RFTN1: variants seen among roughly 807,000 people sequenced by gnomAD.
RFTN1 encodes the protein raftlin, lipid raft linker 1.
RFTN1 carries 26 observed loss-of-function variants against 46.5 expected under a neutral mutation model. The ratio of observed to expected loss-of-function variants is 0.56; its 90% CI spans 0.41 to 0.78. The LOEUF (loss-of-function observed/expected upper bound fraction) is 0.78, where lower values mean the gene tolerates loss of function less well. Among genes scored for constraint, RFTN1 ranks in the 30% least tolerant of loss-of-function variants. The probability of loss-of-function intolerance (pLI) is 0.00; values close to 1 mark genes in which losing one functional copy is unlikely to be tolerated. For synonymous variants in RFTN1, 261 were observed against 284.2 expected, an observed-to-expected ratio of 0.92 and a Z score of 0.82; for missense variants, 693 against 718.7, an observed-to-expected ratio of 0.96 and a Z score of 0.41.
intron 3 of RFTN1, among the ~76,000 whole-genome samples, chr3:16,432,831 G>A (rs1177451765): frequency 6.6e-6 from 1 of 152,190 alleles, no homozygotes; most frequent in African/African-American, 2.4e-5. Flanking sequence ...TTGACGTAAT[G>A]TGTGTTGATG....
chr3:16,326,373 A>G (rs2069690582), intron 8 of RFTN1, among the ~76,000 whole-genome samples: 1 of 152,232 alleles, frequency 6.6e-6, no homozygotes, highest in African/African-American at 2.4e-5. Context: ...TAATAATAAT[A>G]CAATTCTACC....
In RFTN1 at chr3:16,505,924, T is replaced by G. The variant is rs534682916; in HGVS notation, c.-9+7518A>C. ...AGCACTTACTATGTGCAAGGCCCTG[T>G]TCTAAATGCCAGTGATACCAAAGTA... On this transcript the variant is annotated intron_variant, in intron 1 of 9. Transcript: ENST00000334133. 2.0e-5 allele frequency among the ~76,000 whole-genome samples: 3 copies of G among 152,312 alleles called. No homozygotes were observed. The South Asian group carries it at 6.2e-4, about 32-fold the overall frequency.
At chr3:16,391,861 T>C (rs2074348964) in intron 4 of RFTN1, among the ~76,000 whole-genome samples, 1 of 28,464 alleles carries the variant, frequency 3.5e-5, no homozygotes, top group East Asian at 1.2e-3. Context: ...TGCAAAGGTT[T>C]TTTTTTTGTT....
rs775652719 is a variant in RFTN1, at chr3:16,352,371, T to C, written c.1146+5561A>G. ...TTCAGAGGGAAGAAGAGGGTCTCTG[T>C]ATCTTGCTCTTTACCTATTCATCTA... On this transcript the variant is annotated intron_variant, in intron 7 of 9. Transcript: ENST00000334133. The surrounding 1 kb of genome is among the most constrained non-coding windows in gnomAD (Gnocchi z 4.6). 1.3e-5 allele frequency among the ~76,000 whole-genome samples: 2 copies of C among 152,258 alleles called. No homozygotes were observed. The highest frequency in any genetic ancestry group is 6.5e-5 in the Admixed American group (1 of 15,288).
At chr3:16,373,059 C>T (rs1278174421) in intron 5 of RFTN1, among the ~76,000 whole-genome samples, 1 of 152,240 alleles carries the variant, frequency 6.6e-6, no homozygotes, top group East Asian at 1.9e-4. Context: ...CTCCAACACA[C>T]ATCCTCACGT....
intron 6 of RFTN1, among the ~76,000 whole-genome samples, chr3:16,368,191 A>G (rs753419607): frequency 2.4e-4 from 37 of 152,110 alleles, no homozygotes; most frequent in Non-Finnish European, 4.6e-4. Flanking sequence ...GGCTGTAAAC[A>G]TCTGTCCCAA....
At chr3:16,333,480 A>T in intron 7 of RFTN1, among the ~76,000 whole-genome samples, 1 of 151,692 alleles carries the variant, frequency 6.6e-6, no homozygotes. Flanking sequence ...TATCTATCTA[A>T]TTATGTCATT....
At chr3:16,471,171 A>G (rs528422220) in intron 2 of RFTN1, among the ~76,000 whole-genome samples, 2 of 152,352 alleles carry the variant, frequency 1.3e-5, no homozygotes, top group East Asian at 3.9e-4. Flanking sequence ...CTATTGTTAA[A>G]TAAATCACAA....
In RFTN1 at chr3:16,346,433, A is replaced by G. The variant is rs1270760672; in HGVS notation, c.1146+11499T>C. 1 of 152,248 alleles carries G rather than the reference A, an allele frequency of 6.6e-6. No individual in the cohort carries two copies. Among genetic ancestry groups the G allele is most frequent in the African/African-American group, 2.4e-5 (1 of 41,460 alleles). 9.4% of individuals were successfully genotyped at this position (152,248 alleles called of 1,614,324 possible). On this transcript the variant is annotated intron_variant, in intron 7 of 9. Transcript: ENST00000334133. The surrounding 1 kb of genome is among the most constrained non-coding windows in gnomAD (Gnocchi z 4.4). ...AAGTGCAGATAAAGATTAAAGGTCA[A>G]ATACTTCCTTTTGTCATCTCATTAT...
At chr3:16,389,227 T>C (rs1295304864) in intron 4 of RFTN1, among the ~76,000 whole-genome samples, 1 of 152,228 alleles carries the variant, frequency 6.6e-6, no homozygotes, top group Non-Finnish European at 1.5e-5. Flanking sequence ...AAATACTTTG[T>C]GATTCCCACG....
intron 3 of RFTN1, among the ~76,000 whole-genome samples, chr3:16,420,434 AC>A (rs1292268662): frequency 6.6e-6 from 1 of 152,266 alleles, no homozygotes; most frequent in Non-Finnish European, 1.5e-5. Context: ...ATATCTGCAA[AC>A]AAAAATAGCA....
rs1407237030 is a variant in RFTN1 at position 16,334,125 on chromosome 3, A to G, written c.1147-7249T>C. Among the ~76,000 whole-genome samples the G allele has an allele frequency of 1.3e-5, 2 of 152,244 alleles. No individual in the cohort carries two copies. The highest frequency in any genetic ancestry group is 2.9e-5 in the Non-Finnish European group (2 of 68,040). ...AGCTGCAGTGAGCCGAGATCGTGCC[A>G]CTGCACTCCAGCCTGGGCGACAGAG... is the stretch of plus-strand genomic sequence containing the variant. On this transcript the variant is annotated intron_variant, in intron 7 of 9. Coordinates refer to ENST00000334133, the MANE Select transcript of RFTN1 (RefSeq NM_015150.2). The surrounding 1 kb of genome is among the most constrained non-coding windows in gnomAD (Gnocchi z 4.3).
chr3:16,510,679 T>G (rs2076882890), intron 1 of RFTN1, among the ~76,000 whole-genome samples: 1 of 152,230 alleles, frequency 6.6e-6, no homozygotes, highest in African/African-American at 2.4e-5. Flanking sequence ...CTGGTGAGAC[T>G]GTAAAATGGT....
chr3:16,501,280 T>C (rs1226094330), intron 1 of RFTN1, among the ~76,000 whole-genome samples: 1 of 152,232 alleles, frequency 6.6e-6, no homozygotes, highest in African/African-American at 2.4e-5. Context: ...AAAAGTATCC[T>C]AATTTGTTTC....
intron 6 of RFTN1, among the ~76,000 whole-genome samples, chr3:16,364,463 G>A (rs956822044): frequency 6.6e-6 from 1 of 152,144 alleles, no homozygotes; most frequent in Non-Finnish European, 1.5e-5. Context: ...AGCAGATCCT[G>A]TTTGAGGCAC....
chr3:16,365,966 A>G (rs116358832), intron 6 of RFTN1, among the ~76,000 whole-genome samples: 77 of 113,808 alleles, frequency 6.8e-4, no homozygotes, highest in South Asian at 3.0e-3. Flanking sequence ...TGGTTTGGAT[A>G]ATCAGCTGCA....
At chr3:16,495,141 C>T (rs576249725) in intron 1 of RFTN1, among the ~76,000 whole-genome samples, 13 of 152,278 alleles carry the variant, frequency 8.5e-5, no homozygotes, top group African/African-American at 3.1e-4. Flanking sequence ...AATAAAGGAA[C>T]ATGAGTATCC....
At chr3:16,430,649 G>A (rs2075366966) in intron 3 of RFTN1, among the ~76,000 whole-genome samples, 2 of 151,966 alleles carry the variant, frequency 1.3e-5, no homozygotes, top group African/African-American at 2.4e-5. Flanking sequence ...TCAAACTTTT[G>A]CATTTTTTTA....
chr3:16,438,416 C>G (rs1323474689), intron 2 of RFTN1, among the ~76,000 whole-genome samples: 1 of 151,674 alleles, frequency 6.6e-6, no homozygotes, highest in African/African-American at 2.4e-5. Flanking sequence ...GAAACCCTGT[C>G]TCTACCCAAA....
Sources: gnomAD v4.1 joint callset for allele counts (sites outside exome capture counted in the v4.1 genomes callset) on GRCh38, gnomAD v4.1.1 for gene constraint, Gnocchi (gnomAD v3.1) non-coding constraint, MANE v1.5 for transcripts, NCBI Gene and HGNC (gene_info 2026-07-23, HGNC 2026-07-21) for gene names.